STARD9: variants seen among roughly 807,000 people sequenced by gnomAD.
STARD9 encodes stAR-related lipid transfer protein 9.
STARD9 carries 346 observed loss-of-function variants against 399.8 expected under a neutral mutation model. The observed-to-expected ratio is 0.87, with a 90% confidence interval of 0.79 to 0.95. The LOEUF is 0.95. Among genes scored for constraint, STARD9 ranks in the 40% least tolerant of loss-of-function variants. The probability of loss-of-function intolerance (pLI) is 0.00; values close to 1 mark genes in which losing one functional copy is unlikely to be tolerated. For synonymous variants in STARD9, 2,203 were observed against 2,143.5 expected (o/e 1.03, Z -0.77); for missense variants, 5,832 against 5,667.5 (o/e 1.03, Z -0.93).
chr15:42,684,690 A>G lies in STARD9; in HGVS notation c.3112A>G (p.Ser1038Gly). The change falls in exon 23 of 33, where the codon AGC becomes GGC. Residue 1038 changes from serine (S) to glycine (G), a missense_variant. This residue lies in a region of STARD9 where 5,828 missense variants were observed against 5,651.1 expected (regional missense o/e 1.03). Coordinates refer to ENST00000290607, the MANE Select transcript of STARD9 (RefSeq NM_020759.3). ...GACAGAATACAAACCACCTTCTCCA[A>G]GCAGGGCATCAAAAAGGCATCAGAG... ...FWTEYKPPSP[S>G]RASKRHQRVL... 1 of 1,537,162 alleles carries G rather than the reference A, an allele frequency of 6.5e-7. No individual in the cohort carries two copies. Among genetic ancestry groups the G allele is most frequent in the Non-Finnish European group, 8.7e-7 (1 of 1,146,892 alleles).
intron 20 of STARD9, among the ~76,000 whole-genome samples, chr15:42,680,532 G>A (rs1223865698): frequency 6.6e-6 from 1 of 152,112 alleles, no homozygotes; most frequent in Non-Finnish European, 1.5e-5. Flanking sequence ...CCCAGGAGGT[G>A]GAGGTTGCAG....
Position 42,682,199 on chromosome 15 carries a change from G to T in STARD9, c.2161G>T (p.Val721Leu), listed in dbSNP as rs921929403. 2 of 1,537,148 alleles carry T rather than the reference G, an allele frequency of 1.3e-6. No homozygotes were observed. Among genetic ancestry groups the T allele is most frequent in the African/African-American group, 2.7e-5 (2 of 73,058 alleles). The change falls in exon 22 of 33, where the codon GTG becomes TTG. Residue 721 changes from valine to leucine, a missense_variant. Physicochemically the swap from Val to Leu is conservative, Grantham distance 32. Around this residue, in one of 2 missense-constraint regions of STARD9, gnomAD observed 5,828 missense variants for 5,651.1 expected, o/e 1.03. Coordinates refer to ENST00000290607, the MANE Select transcript of STARD9 (RefSeq NM_020759.3). ...AGCAGAGAAAGAACTTGAGGCATCT[G>T]TGGCACTTGATGCTTGGCTTCAGAC... ...QVAEKELEASVALDAWLQTDP... is the reference protein window; with the variant it reads ...QVAEKELEASLALDAWLQTDP...
chr15:42,697,091 T>C (rs567397005), intron 26 of STARD9, among the ~76,000 whole-genome samples: 3 of 152,336 alleles, frequency 2.0e-5, no homozygotes, highest in African/African-American at 7.2e-5. Flanking sequence ...CTATTTGCTT[T>C]CCCCAGAAGC....
At chr15:42,629,121 G>A (rs989313183) in intron 3 of STARD9, among the ~76,000 whole-genome samples, 3 of 152,098 alleles carry the variant, frequency 2.0e-5, no homozygotes, top group Non-Finnish European at 4.4e-5. Flanking sequence ...CTGGGTGCAA[G>A]CAATCCTCCC....
At chr15:42,645,257 T>C (rs1320631257) in intron 7 of STARD9, among the ~76,000 whole-genome samples, 1 of 152,230 alleles carries the variant, frequency 6.6e-6, no homozygotes, top group Non-Finnish European at 1.5e-5. Flanking sequence ...TATAGCTTTA[T>C]GAAATGTATT....
Position 42,686,912 on chromosome 15 carries a change from A to G in STARD9, c.5334A>G (p.Glu1778=), listed in dbSNP as rs766715439. The part of the protein sequence containing the change: ...EVRVPSPPPR[E]AWGFGHNHQA... Reference sequence around the variant, plus strand: ...GGGTACCCTCCCCACCCCCCAGGGAAGCCTGGGGCTTTGGTCACAACCACC... The same window carrying G: ...GGGTACCCTCCCCACCCCCCAGGGAGGCCTGGGGCTTTGGTCACAACCACC... The change falls in exon 23 of 33, where the codon GAA becomes GAG. Residue 1778 remains glutamate, a synonymous_variant. Coordinates refer to ENST00000290607, the MANE Select transcript of STARD9 (RefSeq NM_020759.3). 92 of 1,536,472 alleles carry G rather than the reference A, an allele frequency of 6.0e-5. No homozygotes were observed. The highest frequency in any genetic ancestry group is 7.8e-5 in the Non-Finnish European group (90 of 1,146,638).
chr15:42,668,475 C>T (rs2060145425), intron 15 of STARD9, among the ~76,000 whole-genome samples: 1 of 151,670 alleles, frequency 6.6e-6, no homozygotes, highest in Admixed American at 6.6e-5. Context: ...AAGTACCCTA[C>T]ATTTATCACT....
rs1175024595 is a variant in STARD9 at position 42,718,815 on chromosome 15, A to C, written c.13906A>C (p.Lys4636Gln). The C allele has an allele frequency of 2.5e-5, 39 of 1,537,178 alleles. No homozygotes were observed. The highest frequency in any genetic ancestry group is 3.4e-5 in the Non-Finnish European group (39 of 1,146,914). ...TACATCCATGCCAAGACCCAGCAGAAAAATGGTTCGCGGGGAGATCCTGCC... is the reference window on the plus strand; with the variant it reads ...TACATCCATGCCAAGACCCAGCAGACAAATGGTTCGCGGGGAGATCCTGCC... ...YDTSMPRPSR[K>Q]MVRGEILPSA... is the part of the protein sequence containing the mutation. Residue 4636 changes from lysine to glutamine, a missense_variant, in exon 32 of 33, where the codon AAA (lysine) becomes CAA (glutamine). Lys to Gln is a moderately conservative substitution (Grantham distance 53). Coordinates refer to ENST00000290607, the MANE Select transcript of STARD9 (RefSeq NM_020759.3).
Position 42,691,358 on chromosome 15 carries a change from C to T in STARD9, c.9780C>T (p.Ser3260=), listed in dbSNP as rs2060693896. ...EEVAVAKPPV[S]KILSQGFKDP... ...TGGCTGTGGCCAAGCCTCCTGTGTC[C>T]AAGATTTTATCACAGGGCTTCAAAG... The change falls in exon 23 of 33, where the codon TCC becomes TCT. Residue 3260 remains serine, a synonymous_variant. Transcript: ENST00000290607. The T allele has an allele frequency of 6.5e-7, 1 of 1,537,036 alleles. No homozygotes were observed. Among genetic ancestry groups the T allele is most frequent in the Non-Finnish European group, 8.7e-7 (1 of 1,146,890 alleles).
chr15:42,709,536 T>C (rs1232690913), intron 26 of STARD9, among the ~76,000 whole-genome samples: 1 of 151,892 alleles, frequency 6.6e-6, no homozygotes, highest in Non-Finnish European at 1.5e-5. Context: ...AATACAAAAA[T>C]TAGCCAGGCA....
chr15:42,584,637 TCTC>T lies in STARD9; in HGVS notation c.118-880_118-878del, dbSNP rs568814661. On this transcript the variant is annotated intron_variant, in intron 2 of 32. Coordinates refer to ENST00000290607, the MANE Select transcript of STARD9 (RefSeq NM_020759.3). Reference sequence around the variant, plus strand: ...AAGGCATTTCTGTGAATAATGCTGTTCTCCTCAGTACCTGGAGGTCAGTGCAAG... The same window carrying T: ...AAGGCATTTCTGTGAATAATGCTGTTCTCAGTACCTGGAGGTCAGTGCAAG... 1.8e-4 allele frequency among the ~76,000 whole-genome samples: 28 copies of T among 152,284 alleles called. No individual in the cohort carries two copies. In the South Asian group the frequency reaches 5.0e-3, roughly 27 times the overall value.
intron 13 of STARD9, 123 bp downstream of exon 13, chr15:42,664,040 A>C (rs1281757715): frequency 1.5e-6 from 1 of 651,560 alleles, no homozygotes; most frequent in Non-Finnish European, 2.7e-6. Context: ...CCTCCAGATG[A>C]TGAGGGAGTA....
chr15:42,652,635 G>T (rs1566905833), intron 9 of STARD9, 43 bp downstream of exon 9: 2 of 1,480,944 alleles, frequency 1.4e-6, no homozygotes. Context: ...TCCTCTCCTT[G>T]TACCTTTAAA....
chr15:42,693,382 A>T lies in STARD9; in HGVS notation c.11804A>T (p.Asp3935Val). ...THPVEGHQKL[D>V]SSPDPVDAPR... ...CCTGTTGAAGGCCACCAGAAGCTTG[A>T]CTCCAGCCCAGACCCTGTTGATGCC... Residue 3935 changes from aspartate (D) to valine (V), a missense_variant, in exon 23 of 33, where the codon GAC (aspartate) becomes GTC (valine). By Grantham distance (152) the Asp-to-Val change is radical (BLOSUM62 -3). Transcript: ENST00000290607. 6.5e-7 allele frequency: 1 copy of T among 1,536,774 alleles called. No individual in the cohort carries two copies. The highest frequency in any genetic ancestry group is 8.7e-7 in the Non-Finnish European group (1 of 1,146,796).
At chr15:42,681,745 T>A (rs1345327478) in intron 21 of STARD9, 133 bp downstream of exon 21, 1 of 817,252 alleles carries the variant, frequency 1.2e-6, no homozygotes. Context: ...TGTTCTCTTT[T>A]CTTTTAGACA....
At position 42,687,700 on chromosome 15, in the gene STARD9, TTAA is replaced by T; in HGVS notation, c.6128_6130del (p.Asn2043del). The T allele has an allele frequency of 1.3e-6, 2 of 1,536,350 alleles. No homozygotes were observed. Among genetic ancestry groups the T allele is most frequent in the Non-Finnish European group, 1.7e-6 (2 of 1,146,658 alleles). ...TCTGGAAAGAAACAGAATAAAAGAG[TTAA>T]TAATACTGATGAAATGGCTAGGCTA... On this transcript the variant is annotated inframe_deletion, in exon 23 of 33. Coordinates refer to ENST00000290607, the MANE Select transcript of STARD9 (RefSeq NM_020759.3).
At position 42,637,888 on chromosome 15, in the gene STARD9, CCTTT is replaced by C. The variant is rs2059448757; in HGVS notation, c.352-15_352-12del. The C allele has an allele frequency of 6.5e-7, 1 of 1,537,002 alleles. No individual in the cohort carries two copies. Among genetic ancestry groups the C allele is most frequent in the Non-Finnish European group, 8.7e-7 (1 of 1,146,836 alleles). On this transcript the variant is annotated splice_polypyrimidine_tract_variant and intron_variant, in intron 4 of 32. Transcript: ENST00000290607. ...CATCTTAAGTAAACAATAATGCTTTCCTTTCTTCTGTTCACCAGGCCTCTGTTGG... is the reference window on the plus strand; with the variant it reads ...CATCTTAAGTAAACAATAATGCTTTCCTTCTGTTCACCAGGCCTCTGTTGG...
chr15:42,640,536 T>C (rs181768095), intron 7 of STARD9, among the ~76,000 whole-genome samples: 1 of 152,230 alleles, frequency 6.6e-6, no homozygotes, highest in Admixed American at 6.5e-5. Flanking sequence ...AAAGTCTGTG[T>C]GTGGGCCGGG....
chr15:42,654,441 C>G (rs1385129744), intron 9 of STARD9, among the ~76,000 whole-genome samples: 5 of 151,868 alleles, frequency 3.3e-5, no homozygotes, highest in African/African-American at 1.2e-4. Context: ...AGTAATGAGA[C>G]AAGAGAAAGA....
Sources: gnomAD v4.1 joint callset for allele counts (sites outside exome capture counted in the v4.1 genomes callset) on GRCh38, gnomAD v4.1.1 for gene constraint, gnomAD v4.1.1 regional missense constraint, MANE v1.5 for transcripts, NCBI Gene and HGNC (gene_info 2026-07-23, HGNC 2026-07-21) for gene names.